The following LARGE1 variants were observed in gnomAD, a reference collection of about 807,000 sequenced individuals.
The protein encoded by LARGE1 is LARGE xylosyl- and glucuronyltransferase 1, also known as xylosyl- and glucuronyltransferase LARGE1.
A neutral mutation model predicts 87.6 loss-of-function variants in LARGE1; 43 were observed. That is an observed-to-expected ratio of 0.49 (90% CI 0.38 to 0.63). The LOEUF is 0.63. LARGE1 is among the 30% of genes least tolerant of loss of function. The pLI, the probability that LARGE1 is intolerant of heterozygous loss-of-function variation, is 0.00. For missense variants in LARGE1, 802 were observed against 1,000.2 expected (o/e 0.80, Z 2.67); for synonymous variants, 434 against 394.6 (o/e 1.10, Z -1.18).
chr22:33,172,287 G>A (rs1357158756), intron 11 of LARGE1, among the ~76,000 whole-genome samples: 1 of 152,154 alleles, frequency 6.6e-6, no homozygotes, highest in Non-Finnish European at 1.5e-5. Flanking sequence ...ATGAGACTTT[G>A]GACTTGGACT....
chr22:33,296,481 C>G (rs74925799), intron 12 of LARGE1, among the ~76,000 whole-genome samples: 1 of 151,988 alleles, frequency 6.6e-6, no homozygotes, highest in Non-Finnish European at 1.5e-5. Context: ...ATGGGCCTAT[C>G]GGGCAACTGG....
the LARGE1 span, among the ~76,000 whole-genome samples, chr22:33,138,280 C>A: frequency 0.42 from 64,000 of 151,648 alleles, 13,939 homozygotes; most frequent in South Asian, 0.68. Flanking sequence ...GGGCCCGTAC[C>A]CCTTTGTTTT....
At chr22:33,294,704 C>G (rs752128679) in intron 12 of LARGE1, among the ~76,000 whole-genome samples, 4 of 152,134 alleles carry the variant, frequency 2.6e-5, no homozygotes, top group African/African-American at 9.7e-5. Flanking sequence ...GCTGCCTGTG[C>G]ATGTACCTCT....
At chr22:33,538,650 A>T (rs1181102488) in intron 6 of LARGE1, among the ~76,000 whole-genome samples, 2 of 152,122 alleles carry the variant, frequency 1.3e-5, no homozygotes, top group African/African-American at 4.8e-5. Flanking sequence ...CCTGGGAAGT[A>T]AGGAAAATGA....
chr22:33,592,812 C>T (rs1338377853), intron 5 of LARGE1, among the ~76,000 whole-genome samples: 2 of 150,586 alleles, frequency 1.3e-5, no homozygotes, highest in Admixed American at 6.6e-5. Context: ...TGTATATTTT[C>T]TTTTTTTTTC....
Position 33,520,750 on chromosome 22 carries a change from C to T in LARGE1, c.787+44098G>A, listed in dbSNP as rs540758463. Among the ~76,000 whole-genome samples, 26 of 152,324 alleles carry T rather than the reference C, an allele frequency of 1.7e-4. 2 individuals carry two copies. In the South Asian group the frequency reaches 3.1e-3, roughly 18 times the overall value. Reference sequence around the variant, plus strand: ...AATTCATGGGATTCCGTGCAAAACACGAGCTGCTGTTTTGGGACTTCTGTG... The same window carrying T: ...AATTCATGGGATTCCGTGCAAAACATGAGCTGCTGTTTTGGGACTTCTGTG... On this transcript the variant is annotated intron_variant, in intron 6 of 14. Coordinates refer to ENST00000397394, the MANE Select transcript of LARGE1 (RefSeq NM_133642.5).
Position 33,396,264 on chromosome 22 carries a change from G to A in LARGE1, c.893-11960C>T, listed in dbSNP as rs576521527. ...CTCCCTTCTGCTTTGAAGCACTAGA[G>A]TTCTCTTCTTATTCATAATCCAACA... On this transcript the variant is annotated intron_variant, in intron 7 of 14. Transcript: ENST00000397394. 2.6e-5 allele frequency among the ~76,000 whole-genome samples: 4 copies of A among 152,250 alleles called. No individual in the cohort carries two copies. The South Asian group carries it at 8.3e-4, about 32-fold the overall frequency.
At chr22:33,098,044 C>A in the LARGE1 span, among the ~76,000 whole-genome samples, 1 of 152,206 alleles carries the variant, frequency 6.6e-6, no homozygotes, top group African/African-American at 2.4e-5. Flanking sequence ...CAGTGGCTTA[C>A]ACCTGCAATC....
intron 6 of LARGE1, among the ~76,000 whole-genome samples, chr22:33,531,349 G>C (rs1277546932): frequency 7.0e-6 from 1 of 143,528 alleles, no homozygotes; most frequent in Non-Finnish European, 1.5e-5. Flanking sequence ...GTAGAGACAG[G>C]GTTTCACCAC....
intron 12 of LARGE1, among the ~76,000 whole-genome samples, chr22:33,287,040 C>T (rs1233578039): frequency 6.6e-6 from 1 of 152,204 alleles, no homozygotes; most frequent in Non-Finnish European, 1.5e-5. Flanking sequence ...ACTGGGAAAG[C>T]ACAGAATTGA....
At position 33,304,544 on chromosome 22, in the gene LARGE1, G is replaced by A. The variant is rs1402692488; in HGVS notation, c.1452-37C>T. The A allele has an allele frequency of 7.2e-6, 11 of 1,533,268 alleles. No homozygotes were observed. In the South Asian group the frequency reaches 1.2e-4, roughly 17 times the overall value. The allele number at this position is 1,533,268 out of a possible 1,614,324, so 95.0% of individuals were successfully genotyped here. On this transcript the variant is annotated intron_variant, in intron 11 of 14. Coordinates refer to ENST00000397394, the MANE Select transcript of LARGE1 (RefSeq NM_133642.5). ...AGGGAGGGTGAGCCGCGGGACCTGG[G>A]CCATCCATGCATCATCCGCCGGGCC...
chr22:33,752,918 C>T (rs1010972038), intron 2 of LARGE1, among the ~76,000 whole-genome samples: 2 of 152,138 alleles, frequency 1.3e-5, no homozygotes, highest in African/African-American at 4.8e-5. Flanking sequence ...TCTGGGTAGG[C>T]TCAATATAAT....
At chr22:33,415,083 C>T (rs2066438611) in intron 7 of LARGE1, among the ~76,000 whole-genome samples, 1 of 152,128 alleles carries the variant, frequency 6.6e-6, no homozygotes, top group Non-Finnish European at 1.5e-5. Context: ...GCTTGAGTAT[C>T]TTCAGGTCAG....
At chr22:33,397,581 A>C (rs2065792616) in intron 7 of LARGE1, among the ~76,000 whole-genome samples, 1 of 152,252 alleles carries the variant, frequency 6.6e-6, no homozygotes, top group African/African-American at 2.4e-5. Context: ...ATAATCTATG[A>C]CATGAATATC....
At chr22:33,378,887 C>T (rs1373843498) in intron 9 of LARGE1, among the ~76,000 whole-genome samples, 1 of 152,158 alleles carries the variant, frequency 6.6e-6, no homozygotes, top group Non-Finnish European at 1.5e-5. Context: ...CCATAATTTA[C>T]TAGAATGGCT....
intron 11 of LARGE1, among the ~76,000 whole-genome samples, chr22:33,243,050 T>C (rs1926592793): frequency 6.6e-6 from 1 of 152,216 alleles, no homozygotes; most frequent in Admixed American, 6.5e-5. Context: ...TGACCTCATC[T>C]AAACTCATCT....
intron 11 of LARGE1, among the ~76,000 whole-genome samples, chr22:33,183,620 G>GCACGCACACACACACACACA (rs1555880674): frequency 1.5e-5 from 2 of 137,832 alleles, no homozygotes; most frequent in African/African-American, 5.9e-5. Flanking sequence ...ACACACACAC[G>GCACGCACACACACACACACA]CACACACACA....
At chr22:33,591,907 T>C (rs9609831) in intron 5 of LARGE1, among the ~76,000 whole-genome samples, 12,271 of 149,140 alleles carry the variant, frequency 0.082, 628 homozygotes, top group African/African-American at 0.14. Flanking sequence ...GTGCCTGTAG[T>C]CCCAGCTACT....
intron 4 of LARGE1, among the ~76,000 whole-genome samples, chr22:33,620,491 A>AC (rs2079714568): frequency 2.0e-5 from 3 of 152,160 alleles, no homozygotes; most frequent in Non-Finnish European, 4.4e-5. Flanking sequence ...ACAGACGTGT[A>AC]TTGTGCTATT....
Sources: allele counts gnomAD v4.1 joint callset (sites outside exome capture counted in the v4.1 genomes callset), GRCh38; gene constraint gnomAD v4.1.1; transcripts MANE v1.5; gene names NCBI Gene and HGNC (gene_info 2026-07-23, HGNC 2026-07-21).